Variants in ROR1 observed in about 807,000 individuals in gnomAD.
ROR1 encodes the protein inactive tyrosine-protein kinase transmembrane receptor ROR1.
In ROR1, 19 loss-of-function variants were observed where a neutral mutation model predicts 78.8. The ratio of observed to expected loss-of-function variants is 0.24; its 90% CI spans 0.17 to 0.35. ROR1 has a LOEUF of 0.35. ROR1 is among the 10% of genes least tolerant of loss of function. ROR1 has a pLI of 1.00. For missense variants in ROR1, 917 were observed against 1,177.8 expected, an observed-to-expected ratio of 0.78 and a Z score of 3.24; for synonymous variants, 386 against 433.6, an observed-to-expected ratio of 0.89 and a Z score of 1.36.
chr1:63,862,591 G>A (rs1645189028), intron 1 of ROR1, among the ~76,000 whole-genome samples: 1 of 152,002 alleles, frequency 6.6e-6, no homozygotes, highest in South Asian at 2.1e-4. Context: ...AAACCCGAGA[G>A]TTAGGGAGAG....
At position 63,841,789 on chromosome 1, in the gene ROR1, A is replaced by C. The variant is rs1645051218; in HGVS notation, c.91+67281A>C. 2.6e-5 allele frequency among the ~76,000 whole-genome samples: 4 copies of C among 152,238 alleles called. No individual in the cohort carries two copies. The South Asian group carries it at 8.3e-4, about 31-fold the overall frequency. The stretch of plus-strand genomic sequence containing the variant: ...CAGGGGACTAAGGGTTTAAGGATGA[A>C]TATGATGGTTTCTGTATGAAAGAGG... On this transcript the variant is annotated intron_variant, in intron 1 of 8. Coordinates refer to ENST00000371079, the MANE Select transcript of ROR1 (RefSeq NM_005012.4).
At chr1:63,987,043 G>T (rs901446668) in intron 1 of ROR1, among the ~76,000 whole-genome samples, 10 of 152,088 alleles carry the variant, frequency 6.6e-5, no homozygotes, top group Admixed American at 2.6e-4. Context: ...TAAATTTTGG[G>T]TTTTTTGCCT....
At chr1:63,951,790 T>A (rs1645941484) in intron 1 of ROR1, among the ~76,000 whole-genome samples, 1 of 152,130 alleles carries the variant, frequency 6.6e-6, no homozygotes, top group African/African-American at 2.4e-5. Context: ...CCATAAAACC[T>A]GGATCTGCCC....
chr1:64,043,447 T>C (rs943779116), intron 2 of ROR1, among the ~76,000 whole-genome samples: 2 of 152,190 alleles, frequency 1.3e-5, no homozygotes, highest in African/African-American at 4.8e-5. Context: ...ATAAAATAAC[T>C]TTTTTCTTGC....
intron 1 of ROR1, among the ~76,000 whole-genome samples, chr1:63,871,956 C>G (rs1645253962): frequency 6.6e-6 from 1 of 152,030 alleles, no homozygotes; most frequent in Non-Finnish European, 1.5e-5. Context: ...ATATTGAGTC[C>G]CTAATTTACA....
At chr1:63,786,493 C>T (rs988317130) in intron 1 of ROR1, among the ~76,000 whole-genome samples, 56 of 150,402 alleles carry the variant, frequency 3.7e-4, no homozygotes, top group African/African-American at 1.4e-3. Flanking sequence ...AGGATGGTCT[C>T]GATCTCCTGA....
At chr1:63,903,556 A>G (rs1645502743) in intron 1 of ROR1, among the ~76,000 whole-genome samples, 1 of 151,750 alleles carries the variant, frequency 6.6e-6, no homozygotes, top group African/African-American at 2.4e-5. Context: ...TGTCCCTCTC[A>G]TCTTCCTTCT....
At chr1:64,144,945 A>G (rs1039448882) in intron 7 of ROR1, among the ~76,000 whole-genome samples, 1 of 152,110 alleles carries the variant, frequency 6.6e-6, no homozygotes, top group African/African-American at 2.4e-5. Flanking sequence ...TTCTAATCTC[A>G]TTTTTCTTAT....
Position 63,866,924 on chromosome 1 carries a change from G to A in ROR1, c.91+92416G>A, listed in dbSNP as rs182858553. On this transcript the variant is annotated intron_variant, in intron 1 of 8. Transcript: ENST00000371079. ...TTTTTTTTTTCCCTAAGAAGAATAT[G>A]TTCTTGTGATAGATTAATTGAGGAT... Among the ~76,000 whole-genome samples the A allele has an allele frequency of 1.6e-4, 24 of 152,172 alleles. No homozygotes were observed. The East Asian group carries it at 3.7e-3, about 23-fold the overall frequency.
At chr1:64,139,958 AC>A (rs2100709694) in intron 5 of ROR1, 150 bp from the exon 6 acceptor site, 1 of 682,932 alleles carries the variant, frequency 1.5e-6, no homozygotes, top group East Asian at 2.7e-5. Context: ...AGCTGCTTAG[AC>A]ATCTGAAATG....
chr1:63,909,714 T>A (rs1006903618), intron 1 of ROR1, among the ~76,000 whole-genome samples: 45 of 152,266 alleles, frequency 3.0e-4, no homozygotes, highest in African/African-American at 7.9e-4. Flanking sequence ...TCTTTTTTTT[T>A]AAATATATAA....
chr1:63,817,976 G>A (rs938943789), intron 1 of ROR1, among the ~76,000 whole-genome samples: 2 of 152,122 alleles, frequency 1.3e-5, no homozygotes, highest in Non-Finnish European at 1.5e-5. Context: ...TATAATGGTG[G>A]GCATTTACAG....
intron 1 of ROR1, among the ~76,000 whole-genome samples, chr1:63,910,146 T>C (rs1320207355): frequency 1.3e-5 from 2 of 152,214 alleles, no homozygotes; most frequent in Non-Finnish European, 1.5e-5. Flanking sequence ...ATCTTTGCAC[T>C]CTCCAACAGT....
At chr1:63,787,759 C>G (rs1477368075) in intron 1 of ROR1, among the ~76,000 whole-genome samples, 1 of 152,194 alleles carries the variant, frequency 6.6e-6, no homozygotes, top group Admixed American at 6.5e-5. Flanking sequence ...ATCCTGGCCT[C>G]AAGTGATCCA....
chr1:63,965,552 C>T (rs1015218955), intron 1 of ROR1, among the ~76,000 whole-genome samples: 1 of 152,050 alleles, frequency 6.6e-6, no homozygotes, highest in African/African-American at 2.4e-5. Context: ...AAATTAAACC[C>T]TGAGTTTCCA....
intron 4 of ROR1, among the ~76,000 whole-genome samples, chr1:64,090,366 A>G (rs1373704422): frequency 1.3e-5 from 2 of 152,232 alleles, no homozygotes; most frequent in Non-Finnish European, 2.9e-5. Flanking sequence ...TTGGATGAAC[A>G]TTAGTTGATG....
intron 1 of ROR1, among the ~76,000 whole-genome samples, chr1:63,994,534 C>G (rs1432041041): frequency 6.6e-6 from 1 of 152,110 alleles, no homozygotes; most frequent in African/African-American, 2.4e-5. Context: ...GACCTTGAAG[C>G]AGCAGGTCAG....
At chr1:63,881,734 CT>C (rs966694128) in intron 1 of ROR1, among the ~76,000 whole-genome samples, 1 of 152,074 alleles carries the variant, frequency 6.6e-6, no homozygotes, top group Non-Finnish European at 1.5e-5. Context: ...TTTGCTAGGC[CT>C]AGTGATACAA....
chr1:64,137,605 G>A, intron 5 of ROR1, 109 bp downstream of exon 5: 4 of 1,080,152 alleles, frequency 3.7e-6, no homozygotes, highest in Non-Finnish European at 5.4e-6. Flanking sequence ...CATGGAGGTT[G>A]GGAGCAGGAC....
Sources: allele counts gnomAD v4.1 joint callset (sites outside exome capture counted in the v4.1 genomes callset), GRCh38; gene constraint gnomAD v4.1.1; transcripts MANE v1.5; gene names NCBI Gene and HGNC (gene_info 2026-07-23, HGNC 2026-07-21).